DPP10: variants seen among roughly 807,000 people sequenced by gnomAD.
DPP10 encodes inactive dipeptidyl peptidase 10.
Under a neutral mutation model 120.9 loss-of-function variants are expected in DPP10, and 33 were observed. That is an observed-to-expected ratio of 0.27 (90% CI 0.21 to 0.37). The LOEUF is 0.37. DPP10 is among the 10% of genes least tolerant of loss of function. DPP10 has a pLI of 1.00. For missense variants in DPP10, 816 were observed against 942.8 expected (o/e 0.87, Z 1.76); for synonymous variants, 337 against 326.1 (o/e 1.03, Z -0.36).
chr2:114,920,373 G>A (rs757901243), intron 1 of DPP10, among the ~76,000 whole-genome samples: 5 of 152,116 alleles, frequency 3.3e-5, no homozygotes, highest in Non-Finnish European at 5.9e-5. Flanking sequence ...AGCACTCCGA[G>A]GCTGGCATAC....
chr2:115,196,198 G>A lies in DPP10; in HGVS notation c.61-113041G>A, dbSNP rs1490683515. ...GGTTTTCTAATTTATTTGATATTTA[G>A]GAAAAGAAGAATTGCAGCTGCTGCA... On this transcript the variant is annotated intron_variant, in intron 1 of 25. Transcript: ENST00000410059. Among the ~76,000 whole-genome samples the A allele has an allele frequency of 3.9e-5, 6 of 152,094 alleles. No individual in the cohort carries two copies. The East Asian group carries it at 1.2e-3, about 29-fold the overall frequency.
chr2:114,633,273 A>ATCTGC (rs1695079912), intron 1 of DPP10, among the ~76,000 whole-genome samples: 2 of 52,780 alleles, frequency 3.8e-5, no homozygotes, highest in African/African-American at 1.8e-4. Flanking sequence ...TTTTTTTTTG[A>ATCTGC]CAGAGTCTCG....
At chr2:115,822,664 G>T (rs2150066297) in intron 21 of DPP10, among the ~76,000 whole-genome samples, 1 of 151,828 alleles carries the variant, frequency 6.6e-6, no homozygotes, top group East Asian at 1.9e-4. Flanking sequence ...ACCATGTTTA[G>T]GTTGTATTGG....
intron 1 of DPP10, among the ~76,000 whole-genome samples, chr2:114,749,914 A>G (rs1335450434): frequency 1.3e-5 from 2 of 152,196 alleles, no homozygotes; most frequent in Non-Finnish European, 2.9e-5. Flanking sequence ...TAGGCTACAA[A>G]GGAGTATATT....
chr2:115,097,478 TAAC>T (rs2048461864), intron 1 of DPP10, among the ~76,000 whole-genome samples: 1 of 152,206 alleles, frequency 6.6e-6, no homozygotes, highest in Non-Finnish European at 1.5e-5. Flanking sequence ...ATTGGCTAGT[TAAC>T]AAACTATAAA....
At chr2:115,195,029 T>G (rs2055162865) in intron 1 of DPP10, among the ~76,000 whole-genome samples, 1 of 152,110 alleles carries the variant, frequency 6.6e-6, no homozygotes, top group Non-Finnish European at 1.5e-5. Flanking sequence ...TTTTGCAGAT[T>G]TGGGGATATA....
At chr2:115,651,073 C>G (rs952944965) in intron 5 of DPP10, among the ~76,000 whole-genome samples, 2 of 151,990 alleles carry the variant, frequency 1.3e-5, no homozygotes, top group African/African-American at 4.8e-5. Context: ...GCATGCTTAT[C>G]TTTTTCTCCA....
At chr2:115,294,240 G>A (rs541339383) in intron 1 of DPP10, among the ~76,000 whole-genome samples, 1 of 152,072 alleles carries the variant, frequency 6.6e-6, no homozygotes, top group South Asian at 2.1e-4. Flanking sequence ...GGTGTGGGTG[G>A]GCATGCATTT....
intron 1 of DPP10, among the ~76,000 whole-genome samples, chr2:114,563,787 G>A (rs56892408): frequency 0.12 from 18,052 of 152,168 alleles, 1,413 homozygotes; most frequent in East Asian, 0.3. Context: ...AAGTGTGAGC[G>A]TTAGCCTGTA....
chr2:114,827,862 TC>T (rs1429036926), intron 1 of DPP10, among the ~76,000 whole-genome samples: 1 of 152,148 alleles, frequency 6.6e-6, no homozygotes, highest in East Asian at 1.9e-4. Context: ...TCACGTCTCT[TC>T]CCCCTCCAGC....
At chr2:114,775,647 A>T (rs1681659340) in intron 1 of DPP10, among the ~76,000 whole-genome samples, 1 of 152,216 alleles carries the variant, frequency 6.6e-6, no homozygotes, top group African/African-American at 2.4e-5. Flanking sequence ...TGTTAGCATG[A>T]ACTCTTTGTA....
chr2:115,498,247 T>G (rs1341779320), intron 3 of DPP10, among the ~76,000 whole-genome samples: 1 of 152,130 alleles, frequency 6.6e-6, no homozygotes, highest in Non-Finnish European at 1.5e-5. Flanking sequence ...CTATGTGTTT[T>G]GAATTAGATA....
At chr2:115,660,655 C>CTTTTTTTTTTTTTTTTT in intron 5 of DPP10, among the ~76,000 whole-genome samples, 3 of 25,310 alleles carry the variant, frequency 1.2e-4, no homozygotes, top group African/African-American at 1.9e-4. Flanking sequence ...CTCTGTCTGG[C>CTTTTTTTTTTTTTTTTT]TTTTTTTTTT....
intron 3 of DPP10, among the ~76,000 whole-genome samples, chr2:115,370,311 A>AT (rs1305077611): frequency 1.3e-5 from 2 of 152,058 alleles, no homozygotes; most frequent in Non-Finnish European, 2.9e-5. Flanking sequence ...CCCCCTGATG[A>AT]TTTTAGAAAA....
chr2:115,198,134 A>G (rs756629487), intron 1 of DPP10, among the ~76,000 whole-genome samples: 18 of 152,194 alleles, frequency 1.2e-4, no homozygotes, highest in Admixed American at 3.3e-4. Context: ...AATGATTCAT[A>G]TATTTGCATG....
intron 1 of DPP10, among the ~76,000 whole-genome samples, chr2:115,028,264 TCC>T (rs1186573065): frequency 6.6e-6 from 1 of 152,110 alleles, no homozygotes; most frequent in Non-Finnish European, 1.5e-5. Context: ...ATTTGTTGTA[TCC>T]CATAGATTTT....
chr2:115,842,004 A>G (rs1017175114), intron 25 of DPP10, among the ~76,000 whole-genome samples: 2 of 152,234 alleles, frequency 1.3e-5, no homozygotes, highest in African/African-American at 2.4e-5. Context: ...TTTATGGCCA[A>G]CATATTCTAA....
chr2:114,805,360 G>A (rs1461017659), intron 1 of DPP10, among the ~76,000 whole-genome samples: 3 of 152,112 alleles, frequency 2.0e-5, no homozygotes, highest in African/African-American at 7.2e-5. Context: ...TTGGACACAC[G>A]AGTGCTCTTC....
chr2:114,472,736 C>A (rs933386862), intron 1 of DPP10, among the ~76,000 whole-genome samples: 1 of 152,176 alleles, frequency 6.6e-6, no homozygotes, highest in Non-Finnish European at 1.5e-5. Context: ...GGAGACCCCT[C>A]TAGCTAGAAG....
Sources: allele counts gnomAD v4.1 joint callset (sites outside exome capture counted in the v4.1 genomes callset), GRCh38; gene constraint gnomAD v4.1.1; transcripts MANE v1.5; gene names NCBI Gene and HGNC (gene_info 2026-07-23, HGNC 2026-07-21).